Variants in TC2N observed in about 807,000 individuals in gnomAD.
The protein encoded by TC2N is tandem C2 domains, nuclear.
Under a neutral mutation model 61.9 loss-of-function variants are expected in TC2N, and 51 were observed. The observed-to-expected ratio is 0.82, with a 90% confidence interval of 0.66 to 1.04. The LOEUF is 1.04. TC2N is among the 50% of genes least tolerant of loss of function. TC2N has a pLI of 0.00. For synonymous variants in TC2N, 204 were observed against 192.6 expected, an observed-to-expected ratio of 1.06 and a Z score of -0.49; for missense variants, 556 against 566.7, an observed-to-expected ratio of 0.98 and a Z score of 0.19.
At chr14:91,838,941 G>C (rs980965254) in intron 1 of TC2N, among the ~76,000 whole-genome samples, 2 of 152,036 alleles carry the variant, frequency 1.3e-5, no homozygotes, top group African/African-American at 2.4e-5. Context: ...CAAAAGGATC[G>C]TCCTCAAAAT....
At chr14:91,853,837 A>G (rs1417686560) in intron 1 of TC2N, among the ~76,000 whole-genome samples, 1 of 152,082 alleles carries the variant, frequency 6.6e-6, no homozygotes, top group Non-Finnish European at 1.5e-5. Flanking sequence ...TTAATATCTG[A>G]AGCAAACGTG....
intron 3 of TC2N, among the ~76,000 whole-genome samples, chr14:91,808,725 C>T (rs1458200582): frequency 6.6e-6 from 1 of 152,006 alleles, no homozygotes; most frequent in Admixed American, 6.5e-5. Context: ...AGCACAATGT[C>T]AAGAACATAA....
intron 1 of TC2N, among the ~76,000 whole-genome samples, chr14:91,831,144 T>C (rs531799866): frequency 2.0e-5 from 3 of 150,052 alleles, no homozygotes; most frequent in East Asian, 1.9e-4. Context: ...TGTTAATTCC[T>C]ATCTTTTGAA....
intron 3 of TC2N, among the ~76,000 whole-genome samples, chr14:91,803,441 AATTT>A (rs1395347996): frequency 1.1e-4 from 16 of 149,976 alleles, no homozygotes; most frequent in East Asian, 3.9e-4. Flanking sequence ...ATATATATAT[AATTT>A]TATTTATTTA....
In TC2N at chr14:91,782,866, T is replaced by C. The variant is rs561379768; in HGVS notation, c.*234A>G. On this transcript the variant is annotated 3_prime_UTR_variant, in exon 12 of 12. Transcript: ENST00000435962. ...TTTAGTCATCCTAATAATACTTTGA[T>C]TTTACTGTCTGTGTCTCTTGTTGCA... 5.7e-5 allele frequency: 24 copies of C among 424,196 alleles called. No homozygotes were observed. In the East Asian group the frequency reaches 9.6e-4, roughly 17 times the overall value. 26.3% of individuals were successfully genotyped at this position (424,196 alleles called of 1,614,324 possible).
chr14:91,797,300 G>A (rs1019859012), intron 8 of TC2N, among the ~76,000 whole-genome samples: 49 of 151,986 alleles, frequency 3.2e-4, no homozygotes, highest in African/African-American at 1.1e-3. Context: ...CATTTGCATA[G>A]AAAAACAATA....
In TC2N at chr14:91,837,272, G is replaced by T. The variant is rs571663557; in HGVS notation, c.-56-23447C>A. On this transcript the variant is annotated intron_variant, in intron 1 of 11. Coordinates refer to ENST00000435962, the MANE Select transcript of TC2N (RefSeq NM_001128596.3). This position sits in a 1 kb window ranked among gnomAD's most constrained non-coding sequence, Gnocchi z 4.2. ...GTTCTGTCGCCCAGGCTGGAGTGTA[G>T]CGGTGCGCCCGTGGCTCAGTGCAGC... Among the ~76,000 whole-genome samples, 1 of 152,368 alleles carries T rather than the reference G, an allele frequency of 6.6e-6. No individual in the cohort carries two copies. Among genetic ancestry groups the T allele is most frequent in the Middle Eastern group, 3.4e-3 (1 of 294 alleles).
chr14:91,857,566 G>A (rs759232), intron 1 of TC2N, among the ~76,000 whole-genome samples: 18,022 of 152,174 alleles, frequency 0.12, 1,311 homozygotes, highest in East Asian at 0.19. Context: ...AAAACAACTG[G>A]AGCCGGTATT....
rs759095524 is a variant in TC2N at position 91,800,349 on chromosome 14, G to T, written c.493C>A (p.Leu165Ile). ...GSVCDLRTNK[L>I]PGSPGLSKSM... ...TTGCTTAGCCCAGGGGAACCGGGAAGTTTGTTCGTCCTTAAATCACAAACT... is the reference window on the plus strand; with the variant it reads ...TTGCTTAGCCCAGGGGAACCGGGAATTTTGTTCGTCCTTAAATCACAAACT... Residue 165 changes from leucine to isoleucine, a missense_variant, in exon 5 of 12, where the codon CTT becomes ATT. By Grantham distance (5) the Leu-to-Ile change is conservative. Coordinates refer to ENST00000435962, the MANE Select transcript of TC2N (RefSeq NM_001128596.3). 1 of 1,603,126 alleles carries T rather than the reference G, an allele frequency of 6.2e-7. No individual in the cohort carries two copies. The highest frequency in any genetic ancestry group is 8.5e-7 in the Non-Finnish European group (1 of 1,173,876).
chr14:91,820,995 A>G (rs1418036759), intron 1 of TC2N, among the ~76,000 whole-genome samples: 1 of 152,068 alleles, frequency 6.6e-6, no homozygotes, highest in East Asian at 1.9e-4. Flanking sequence ...ATGGATTGGA[A>G]GATGTAATAT....
At chr14:91,827,102 AT>A (rs1457177961) in intron 1 of TC2N, among the ~76,000 whole-genome samples, 1 of 152,138 alleles carries the variant, frequency 6.6e-6, no homozygotes, top group East Asian at 1.9e-4. Flanking sequence ...TTAAACCTAT[AT>A]TTTATCCTGG....
At chr14:91,807,497 T>A (rs1196469653) in intron 3 of TC2N, among the ~76,000 whole-genome samples, 1 of 152,018 alleles carries the variant, frequency 6.6e-6, no homozygotes, top group Non-Finnish European at 1.5e-5. Flanking sequence ...AGACATGGAG[T>A]CAAAGGTTAT....
intron 1 of TC2N, among the ~76,000 whole-genome samples, chr14:91,815,479 C>T (rs1886965898): frequency 2.0e-5 from 3 of 151,702 alleles, no homozygotes; most frequent in Non-Finnish European, 3.0e-5. Context: ...TTACATTTAC[C>T]AGGAAATTAA....
intron 1 of TC2N, among the ~76,000 whole-genome samples, chr14:91,835,379 C>T (rs1346237675): frequency 6.6e-6 from 1 of 152,170 alleles, no homozygotes; most frequent in East Asian, 1.9e-4. Context: ...GTTGTTGTTG[C>T]TAATTCTCAA....
At chr14:91,793,434 T>C (rs1480246886) in intron 8 of TC2N, among the ~76,000 whole-genome samples, 4 of 152,238 alleles carry the variant, frequency 2.6e-5, no homozygotes, top group African/African-American at 7.2e-5. Flanking sequence ...ATGTGCTTCA[T>C]AGACATTACA....
chr14:91,802,403 A>G lies in TC2N; in HGVS notation c.320T>C (p.Phe107Ser), dbSNP rs1195566432. Residue 107 changes from phenylalanine (F) to serine (S), a missense_variant, in exon 4 of 12, where the codon TTT becomes TCT. Coordinates refer to ENST00000435962, the MANE Select transcript of TC2N (RefSeq NM_001128596.3). ...EELEGSARASFGDRKVELSSS... is the reference protein window; with the variant it reads ...EELEGSARASSGDRKVELSSS... Reference sequence around the variant, plus strand: ...GGAAAGTTCTACCTTTCGATCTCCAAAAGATGCTCTGGCAGATCCTGAAAG... The same window carrying G: ...GGAAAGTTCTACCTTTCGATCTCCAGAAGATGCTCTGGCAGATCCTGAAAG... 6 of 1,611,264 alleles carry G rather than the reference A, an allele frequency of 3.7e-6. No individual in the cohort carries two copies. In the South Asian group the frequency reaches 6.6e-5, roughly 18 times the overall value.
chr14:91,802,410 C>T lies in TC2N; in HGVS notation c.313G>A (p.Ala105Thr). 1.9e-6 allele frequency: 3 copies of T among 1,610,098 alleles called. No homozygotes were observed. The highest frequency in any genetic ancestry group is 1.7e-6 in the Non-Finnish European group (2 of 1,178,668). Reference protein sequence around the residue: ...HLEELEGSARASFGDRKVELS... With the variant: ...HLEELEGSARTSFGDRKVELS... ...TCTACCTTTCGATCTCCAAAAGATG[C>T]TCTGGCAGATCCTGAAAGCAAATGT... The change falls in exon 4 of 12, where the codon GCA (alanine) becomes ACA (threonine). Residue 105 changes from alanine to threonine, a missense_variant. Physicochemically the swap from Ala to Thr is moderately conservative, Grantham distance 58 (BLOSUM62 0). Transcript: ENST00000435962.
At chr14:91,817,332 G>A (rs1237539270) in intron 1 of TC2N, among the ~76,000 whole-genome samples, 2 of 151,606 alleles carry the variant, frequency 1.3e-5, no homozygotes, top group East Asian at 1.9e-4. Flanking sequence ...GTTTTCAAAG[G>A]CCCTGTTCAG....
chr14:91,825,026 CTTTTTTTT>C lies in TC2N; in HGVS notation c.-56-11209_-56-11202del, dbSNP rs5810554. 2.1e-4 allele frequency among the ~76,000 whole-genome samples: 14 copies of C among 66,856 alleles called. No individual in the cohort carries two copies. The East Asian group carries it at 2.8e-3, about 14-fold the overall frequency. The allele number at this position is 66,856 out of a possible 152,430, so 43.9% of individuals were successfully genotyped here. A position where few individuals can be genotyped will look rare whatever the true frequency, so the allele number is the denominator to read the frequency against. On this transcript the variant is annotated intron_variant, in intron 1 of 11. Transcript: ENST00000435962. ...ATCCTTGTAATTTTCTTTTTCTTTT[CTTTTTTTT>C]TTTTTTTTTTTTTTTTTTGGAGATG...
Sources: gnomAD v4.1 joint callset for allele counts (sites outside exome capture counted in the v4.1 genomes callset) on GRCh38, gnomAD v4.1.1 for gene constraint, Gnocchi (gnomAD v3.1) non-coding constraint, MANE v1.5 for transcripts, NCBI Gene and HGNC (gene_info 2026-07-23, HGNC 2026-07-21) for gene names.